ZBTB20: variants seen among roughly 807,000 people sequenced by gnomAD.
ZBTB20 encodes the protein zinc finger and BTB domain containing 20, also known as zinc finger and BTB domain-containing protein 20.
Under a neutral mutation model 56.9 loss-of-function variants are expected in ZBTB20, and 9 were observed. The ratio of observed to expected loss-of-function variants is 0.16; its 90% CI spans 0.10 to 0.28. The LOEUF (loss-of-function observed/expected upper bound fraction) is 0.28. Among genes scored for constraint, ZBTB20 ranks in the 10% least tolerant of loss-of-function variants. The probability of loss-of-function intolerance (pLI) is 1.00; values close to 1 mark genes in which losing one functional copy is unlikely to be tolerated. For synonymous variants in ZBTB20, 417 were observed against 420.7 expected, an observed-to-expected ratio of 0.99 and a Z score of 0.11; for missense variants, 655 against 1,003.0, an observed-to-expected ratio of 0.65 and a Z score of 4.69.
At chr3:114,933,406 T>G (rs1235279958) in intron 3 of ZBTB20, among the ~76,000 whole-genome samples, 1 of 152,200 alleles carries the variant, frequency 6.6e-6, no homozygotes. Flanking sequence ...GTAAGGATGA[T>G]AGTGTAATCC....
intron 3 of ZBTB20, among the ~76,000 whole-genome samples, chr3:114,965,970 T>C (rs2077632372): frequency 6.6e-6 from 1 of 152,212 alleles, no homozygotes; most frequent in Admixed American, 6.5e-5. Flanking sequence ...GTCTTTACTG[T>C]TAAGTGTTTG....
At chr3:114,565,941 A>T (rs2718427) in intron 6 of ZBTB20, among the ~76,000 whole-genome samples, 105 of 151,518 alleles carry the variant, frequency 6.9e-4, no homozygotes, top group African/African-American at 2.2e-3. Context: ...TATTATTATT[A>T]TTTTTTCCTG....
intron 10 of ZBTB20, among the ~76,000 whole-genome samples, chr3:114,358,688 TGGGGG>T (rs2081493149): frequency 2.0e-5 from 3 of 152,284 alleles, no homozygotes; most frequent in South Asian, 2.1e-4. Flanking sequence ...GAAGCTGCTT[TGGGGG>T]TCACTTGAAT....
intron 2 of ZBTB20, among the ~76,000 whole-genome samples, chr3:115,036,606 C>T (rs1362777966): frequency 2.0e-5 from 3 of 152,018 alleles, no homozygotes; most frequent in Non-Finnish European, 2.9e-5. Context: ...GTAGAGACGG[C>T]GTTTCACCAT....
At chr3:114,453,032 A>G (rs1380061316) in intron 7 of ZBTB20, among the ~76,000 whole-genome samples, 2 of 152,186 alleles carry the variant, frequency 1.3e-5, no homozygotes, top group Non-Finnish European at 2.9e-5. Flanking sequence ...ATATAAATGT[A>G]CAGCATATAT....
At chr3:114,451,243 T>C (rs1012607493) in intron 7 of ZBTB20, among the ~76,000 whole-genome samples, 4 of 151,984 alleles carry the variant, frequency 2.6e-5, no homozygotes, top group Non-Finnish European at 5.9e-5. Context: ...AAAAAGTTTA[T>C]TAAAGTGAAA....
chr3:114,789,818 A>G (rs1241302782), intron 5 of ZBTB20, among the ~76,000 whole-genome samples: 1 of 152,184 alleles, frequency 6.6e-6, no homozygotes, highest in Non-Finnish European at 1.5e-5. Context: ...GGTGAGAAGA[A>G]GATAAACAGG....
At chr3:114,773,128 A>C (rs1282945148) in intron 5 of ZBTB20, among the ~76,000 whole-genome samples, 1 of 152,174 alleles carries the variant, frequency 6.6e-6, no homozygotes, top group Admixed American at 6.5e-5. Context: ...AACCATGAGG[A>C]ACTGAATAAG....
At chr3:114,395,223 A>G (rs2086229371) in intron 7 of ZBTB20, among the ~76,000 whole-genome samples, 1 of 152,198 alleles carries the variant, frequency 6.6e-6, no homozygotes, top group African/African-American at 2.4e-5. Flanking sequence ...AGCAAATTTC[A>G]TAAAAAGGAT....
chr3:115,136,054 T>C (rs567851881), intron 1 of ZBTB20, among the ~76,000 whole-genome samples: 2 of 152,254 alleles, frequency 1.3e-5, no homozygotes, highest in African/African-American at 4.8e-5. Context: ...AATATAATTC[T>C]GTGTACTCTA....
At chr3:114,524,798 T>A (rs1430697107) in intron 6 of ZBTB20, among the ~76,000 whole-genome samples, 1 of 152,074 alleles carries the variant, frequency 6.6e-6, no homozygotes, top group Non-Finnish European at 1.5e-5. Flanking sequence ...CACTACAACT[T>A]CCGCCTCTCA....
At chr3:114,972,155 C>G (rs1022053538) in intron 3 of ZBTB20, among the ~76,000 whole-genome samples, 10 of 152,164 alleles carry the variant, frequency 6.6e-5, no homozygotes, top group Admixed American at 2.6e-4. Flanking sequence ...AAAGGAGATT[C>G]TAACATTAGT....
intron 6 of ZBTB20, among the ~76,000 whole-genome samples, chr3:114,636,681 T>A (rs2059292124): frequency 6.6e-6 from 1 of 151,308 alleles, no homozygotes. Flanking sequence ...ATATAAAACA[T>A]AAAGAGAAAG....
intron 7 of ZBTB20, among the ~76,000 whole-genome samples, chr3:114,466,645 G>A (rs1204344146): frequency 6.6e-6 from 1 of 152,178 alleles, no homozygotes; most frequent in African/African-American, 2.4e-5. Flanking sequence ...GAGATAGTTT[G>A]GGCAGGTGGA....
At chr3:114,866,845 A>T (rs2075784993) in intron 4 of ZBTB20, among the ~76,000 whole-genome samples, 1 of 152,256 alleles carries the variant, frequency 6.6e-6, no homozygotes, top group Non-Finnish European at 1.5e-5. Context: ...AATACGTTGG[A>T]CTAACGCAAT....
intron 6 of ZBTB20, among the ~76,000 whole-genome samples, chr3:114,675,320 G>T (rs1383441666): frequency 8.5e-6 from 1 of 117,920 alleles, no homozygotes; most frequent in Non-Finnish European, 1.6e-5. Context: ...CATGGATAAG[G>T]TTACTGTGTT....
intron 5 of ZBTB20, among the ~76,000 whole-genome samples, chr3:114,716,498 T>G (rs1334884360): frequency 6.6e-6 from 1 of 152,168 alleles, no homozygotes; most frequent in African/African-American, 2.4e-5. Flanking sequence ...ACAATAATTT[T>G]TGGTCTGCAG....
At chr3:114,514,835 C>A (rs1577216565) in intron 6 of ZBTB20, among the ~76,000 whole-genome samples, 1 of 152,148 alleles carries the variant, frequency 6.6e-6, no homozygotes, top group Non-Finnish European at 1.5e-5. Context: ...TAGAGGGAAA[C>A]CTCAGCACAC....
At chr3:114,424,924 T>G (rs555220124) in intron 7 of ZBTB20, among the ~76,000 whole-genome samples, 14 of 152,294 alleles carry the variant, frequency 9.2e-5, no homozygotes, top group Admixed American at 7.2e-4. Flanking sequence ...GTTTCTTTCT[T>G]TCTTTCTTTT....
Sources: gnomAD v4.1 joint callset for allele counts (sites outside exome capture counted in the v4.1 genomes callset) on GRCh38, gnomAD v4.1.1 for gene constraint, MANE v1.5 for transcripts, NCBI Gene and HGNC (gene_info 2026-07-23, HGNC 2026-07-21) for gene names.